CCDC148: variants seen among roughly 807,000 people sequenced by gnomAD.
The protein encoded by CCDC148 is coiled-coil domain containing 148, also known as coiled-coil domain-containing protein 148.
CCDC148 carries 89 observed loss-of-function variants against 85.7 expected under a neutral mutation model. The ratio of observed to expected loss-of-function variants is 1.04; its 90% CI spans 0.87 to 1.24. The LOEUF is 1.24. CCDC148 is among the 50% of genes most tolerant of loss of function. The pLI is 0.00. For synonymous variants in CCDC148, 230 were observed against 213.9 expected (o/e 1.08, Z -0.66); for missense variants, 692 against 671.7 (o/e 1.03, Z -0.33).
At chr2:158,414,763 T>C (rs1477800545) in intron 1 of CCDC148, among the ~76,000 whole-genome samples, 1 of 152,188 alleles carries the variant, frequency 6.6e-6, no homozygotes, top group South Asian at 2.1e-4. Flanking sequence ...TAATTTACTA[T>C]GGTCAAGCAG....
chr2:158,223,080 G>T (rs1687279306), intron 10 of CCDC148, among the ~76,000 whole-genome samples: 1 of 152,166 alleles, frequency 6.6e-6, no homozygotes, highest in Admixed American at 6.5e-5. Context: ...AAAGAAAGGG[G>T]TGACAGACAG....
At chr2:158,352,338 G>C (rs1365966994) in intron 2 of CCDC148, among the ~76,000 whole-genome samples, 6 of 152,100 alleles carry the variant, frequency 3.9e-5, no homozygotes, top group Non-Finnish European at 8.8e-5. Context: ...AAAAAATTTA[G>C]AAGAATGTAT....
chr2:158,299,745 T>A (rs1337982826), intron 9 of CCDC148, among the ~76,000 whole-genome samples: 2 of 152,206 alleles, frequency 1.3e-5, no homozygotes, highest in Non-Finnish European at 2.9e-5. Flanking sequence ...TGCTCACATC[T>A]GATTTGTGAA....
chr2:158,269,365 T>A (rs1373593911), intron 9 of CCDC148, among the ~76,000 whole-genome samples: 1 of 152,150 alleles, frequency 6.6e-6, no homozygotes, highest in Non-Finnish European at 1.5e-5. Flanking sequence ...ACTGCAGCTA[T>A]TGTTGTGGCA....
chr2:158,425,201 C>A, intron 1 of CCDC148: 1 of 533,596 alleles, frequency 1.9e-6, no homozygotes, highest in Non-Finnish European at 3.8e-6. Flanking sequence ...ACTATAGGAA[C>A]CATGACTATG....
At chr2:158,207,287 C>A (rs1384378951) in intron 11 of CCDC148, among the ~76,000 whole-genome samples, 4 of 152,182 alleles carry the variant, frequency 2.6e-5, no homozygotes, top group Admixed American at 6.5e-5. Flanking sequence ...ACAGAACGAA[C>A]TGGGAAGCAA....
At chr2:158,329,596 T>C (rs1468760364) in intron 7 of CCDC148, among the ~76,000 whole-genome samples, 1 of 152,178 alleles carries the variant, frequency 6.6e-6, no homozygotes, top group East Asian at 1.9e-4. Context: ...TAAATTACCT[T>C]GGGCAGTATG....
chr2:158,439,944 T>C (rs1011154485), intron 1 of CCDC148, among the ~76,000 whole-genome samples: 3 of 152,162 alleles, frequency 2.0e-5, no homozygotes, highest in Non-Finnish European at 4.4e-5. Flanking sequence ...CAATGTAGCC[T>C]CCACCTCCTG....
chr2:158,334,307 T>C (rs1300775275), intron 7 of CCDC148, among the ~76,000 whole-genome samples: 1 of 152,144 alleles, frequency 6.6e-6, no homozygotes, highest in Non-Finnish European at 1.5e-5. Context: ...TCTCCAATTT[T>C]GGGGGAAGCA....
chr2:158,342,735 T>C (rs1682776884), intron 3 of CCDC148, among the ~76,000 whole-genome samples: 1 of 152,152 alleles, frequency 6.6e-6, no homozygotes, highest in African/African-American at 2.4e-5. Context: ...GTGTCTTATC[T>C]GCAGGTGGTT....
chr2:158,406,108 T>A (rs1280509436), intron 1 of CCDC148, among the ~76,000 whole-genome samples: 1 of 152,078 alleles, frequency 6.6e-6, no homozygotes, highest in Non-Finnish European at 1.5e-5. Flanking sequence ...CCTGCATCTC[T>A]CCCAAATTGC....
chr2:158,260,971 T>C (rs1277819870), intron 9 of CCDC148, among the ~76,000 whole-genome samples: 5 of 151,692 alleles, frequency 3.3e-5, no homozygotes, highest in African/African-American at 2.4e-5. Flanking sequence ...ATCTCATTCC[T>C]ATCAAACTAC....
At chr2:158,274,875 G>A (rs1456926998) in intron 9 of CCDC148, among the ~76,000 whole-genome samples, 1 of 152,180 alleles carries the variant, frequency 6.6e-6, no homozygotes, top group Non-Finnish European at 1.5e-5. Flanking sequence ...ACAGGTGGCT[G>A]GGGACCAGAA....
At chr2:158,453,370 C>G (rs897777545) in intron 1 of CCDC148, among the ~76,000 whole-genome samples, 1 of 152,110 alleles carries the variant, frequency 6.6e-6, no homozygotes, top group Non-Finnish European at 1.5e-5. Context: ...ATAATATATT[C>G]AGAGGATGGG....
intron 3 of CCDC148, among the ~76,000 whole-genome samples, chr2:158,341,006 A>G (rs11898217): frequency 0.17 from 25,623 of 151,954 alleles, 3,408 homozygotes; most frequent in African/African-American, 0.37. Context: ...TCCCAAGACA[A>G]CAAGATAGAG....
chr2:158,359,856 C>A (rs1445277305), intron 1 of CCDC148, among the ~76,000 whole-genome samples: 1 of 152,080 alleles, frequency 6.6e-6, no homozygotes, highest in Non-Finnish European at 1.5e-5. Flanking sequence ...GGGGCTGAAA[C>A]CAGGGAGCCA....
At chr2:158,382,423 T>C (rs1684910547) in intron 1 of CCDC148, among the ~76,000 whole-genome samples, 1 of 152,092 alleles carries the variant, frequency 6.6e-6, no homozygotes, top group Non-Finnish European at 1.5e-5. Flanking sequence ...GTCTAGAAAA[T>C]GATGCTTCTA....
chr2:158,376,615 C>T (rs1684661279), intron 1 of CCDC148, among the ~76,000 whole-genome samples: 1 of 151,510 alleles, frequency 6.6e-6, no homozygotes, highest in African/African-American at 2.4e-5. Context: ...TTTGAAAGAT[C>T]TCCAGGTTAG....
chr2:158,299,924 T>TTGTCTCAACATTATCTCATATCTC (rs1410464167), intron 9 of CCDC148, among the ~76,000 whole-genome samples: 1 of 152,224 alleles, frequency 6.6e-6, no homozygotes, highest in African/African-American at 2.4e-5. Context: ...TCTCATTTTC[T>TTGTCTCAACATTATCTCATATCTC]TAGCTACTTG....
Sources: gnomAD v4.1 joint callset for allele counts (sites outside exome capture counted in the v4.1 genomes callset) on GRCh38, gnomAD v4.1.1 for gene constraint, MANE v1.5 for transcripts, NCBI Gene and HGNC (gene_info 2026-07-23, HGNC 2026-07-21) for gene names.